Variants in AP4E1 observed in about 807,000 individuals in gnomAD.
AP4E1 encodes adaptor related protein complex 4 subunit epsilon 1.
A neutral mutation model predicts 128.2 loss-of-function variants in AP4E1; 56 were observed. The observed-to-expected ratio is 0.44, with a 90% confidence interval of 0.35 to 0.55. The LOEUF (loss-of-function observed/expected upper bound fraction) is 0.55. Ranked by LOEUF, AP4E1 falls within the 20% of genes least tolerant of loss-of-function variation. The probability of loss-of-function intolerance (pLI) is 0.00; values close to 1 mark genes in which losing one functional copy is unlikely to be tolerated. For missense variants in AP4E1, 1,324 were observed against 1,307.7 expected (o/e 1.01, Z -0.19); for synonymous variants, 484 against 473.1 (o/e 1.02, Z -0.30).
intron 3 of AP4E1, 200 bp downstream of exon 3, chr15:50,915,771 A>G (rs2063623183): frequency 1.6e-6 from 1 of 622,580 alleles, no homozygotes; most frequent in South Asian, 2.1e-5. Context: ...TTTTGGAGTT[A>G]AAGAGAAGAC....
At chr15:50,961,037 A>C (rs2064305758) in intron 14 of AP4E1, among the ~76,000 whole-genome samples, 2 of 152,100 alleles carry the variant, frequency 1.3e-5, no homozygotes, top group Non-Finnish European at 2.9e-5. Context: ...GAAACGAATA[A>C]ATTCCTGGAC....
intron 16 of AP4E1, among the ~76,000 whole-genome samples, chr15:50,991,179 G>A (rs2064802206): frequency 1.3e-5 from 2 of 152,188 alleles, no homozygotes; most frequent in Non-Finnish European, 2.9e-5. Flanking sequence ...CCCTGAAGGG[G>A]CTGAGAGATG....
chr15:50,914,337 A>T (rs1357458888), intron 2 of AP4E1, among the ~76,000 whole-genome samples: 1 of 151,978 alleles, frequency 6.6e-6, no homozygotes, highest in Non-Finnish European at 1.5e-5. Flanking sequence ...TGCTAACCCT[A>T]GTTAATTTTG....
chr15:50,984,473 A>C (rs2064688834), intron 16 of AP4E1, among the ~76,000 whole-genome samples: 2 of 95,900 alleles, frequency 2.1e-5, no homozygotes, highest in Admixed American at 1.4e-4. Flanking sequence ...CCACCCCACA[A>C]CAGGCCCTGG....
intron 14 of AP4E1, among the ~76,000 whole-genome samples, chr15:50,959,138 G>A (rs910576728): frequency 1.3e-5 from 2 of 151,776 alleles, no homozygotes; most frequent in African/African-American, 4.8e-5. Flanking sequence ...TTGAACCTGG[G>A]AGGCAGAGGT....
chr15:50,936,056 T>A (rs925079349), intron 8 of AP4E1, among the ~76,000 whole-genome samples: 1 of 152,166 alleles, frequency 6.6e-6, no homozygotes, highest in African/African-American at 2.4e-5. Flanking sequence ...CTTATGTATC[T>A]CTCCATGCTA....
At chr15:50,918,386 CTCTT>C (rs1469603851) in intron 3 of AP4E1, among the ~76,000 whole-genome samples, 4 of 152,282 alleles carry the variant, frequency 2.6e-5, no homozygotes, top group Middle Eastern at 3.4e-3. Flanking sequence ...CTTAGTCCTG[CTCTT>C]TCTTGTTACT....
chr15:50,956,065 A>G (rs1213634010), intron 13 of AP4E1, among the ~76,000 whole-genome samples: 1 of 152,154 alleles, frequency 6.6e-6, no homozygotes, highest in East Asian at 1.9e-4. Context: ...TCTGAGGTAA[A>G]TGAGACAACA....
chr15:50,947,723 CTATTG>C (rs1567228811), intron 10 of AP4E1, among the ~76,000 whole-genome samples: 1 of 152,168 alleles, frequency 6.6e-6, no homozygotes, highest in East Asian at 1.9e-4. Context: ...AAATATATAT[CTATTG>C]TATTTTAACT....
chr15:50,990,707 T>G (rs1381140491), intron 16 of AP4E1, among the ~76,000 whole-genome samples: 1 of 152,158 alleles, frequency 6.6e-6, no homozygotes. Flanking sequence ...TTAGATGGTC[T>G]GTATGTATGC....
At chr15:50,918,437 G>C (rs1045511885) in intron 3 of AP4E1, among the ~76,000 whole-genome samples, 1 of 152,100 alleles carries the variant, frequency 6.6e-6, no homozygotes, top group Admixed American at 6.6e-5. Flanking sequence ...AGGAAATTTT[G>C]AAAACAGTAG....
intron 10 of AP4E1, among the ~76,000 whole-genome samples, chr15:50,944,314 G>A (rs1217806924): frequency 6.6e-6 from 1 of 152,126 alleles, no homozygotes; most frequent in Non-Finnish European, 1.5e-5. Context: ...TCATATACAG[G>A]AGGAGAGAAG....
chr15:50,922,732 C>T (rs182911753), intron 3 of AP4E1, among the ~76,000 whole-genome samples: 2 of 151,768 alleles, frequency 1.3e-5, no homozygotes, highest in Non-Finnish European at 2.9e-5. Flanking sequence ...TGAGTCCTGG[C>T]TCCACCATGT....
At chr15:51,001,560 T>A (rs920695892) in intron 20 of AP4E1, among the ~76,000 whole-genome samples, 2 of 152,180 alleles carry the variant, frequency 1.3e-5, no homozygotes, top group Non-Finnish European at 2.9e-5. Context: ...TTACCTCTTG[T>A]CTCTATGAAC....
At chr15:50,928,054 CT>C (rs2063789079) in intron 5 of AP4E1, among the ~76,000 whole-genome samples, 3 of 152,140 alleles carry the variant, frequency 2.0e-5, no homozygotes, top group Admixed American at 2.0e-4. Context: ...ATGTTATCTG[CT>C]ACAGATGAAG....
At chr15:50,933,054 A>T (rs1478680021) in intron 7 of AP4E1, among the ~76,000 whole-genome samples, 3 of 152,122 alleles carry the variant, frequency 2.0e-5, no homozygotes, top group Non-Finnish European at 4.4e-5. Flanking sequence ...GAATTTATTA[A>T]ATTCATTAAC....
intron 15 of AP4E1, among the ~76,000 whole-genome samples, chr15:50,978,291 A>G (rs959922503): frequency 6.6e-6 from 1 of 152,192 alleles, no homozygotes; most frequent in Non-Finnish European, 1.5e-5. Context: ...AGAAATAATA[A>G]GGGGAAACAG....
intron 5 of AP4E1, among the ~76,000 whole-genome samples, chr15:50,927,860 C>T (rs541971462): frequency 6.6e-6 from 1 of 152,218 alleles, no homozygotes; most frequent in South Asian, 2.1e-4. Flanking sequence ...GTTAAGGAAC[C>T]CTAAAAGTAA....
intron 1 of AP4E1, among the ~76,000 whole-genome samples, chr15:50,911,813 A>G (rs887844551): frequency 6.6e-6 from 1 of 152,152 alleles, no homozygotes; most frequent in Non-Finnish European, 1.5e-5. Flanking sequence ...ATTTTCTGCT[A>G]TTCTACCATT....
Sources: allele counts gnomAD v4.1 joint callset (sites outside exome capture counted in the v4.1 genomes callset), GRCh38; gene constraint gnomAD v4.1.1; transcripts MANE v1.5; gene names NCBI Gene and HGNC (gene_info 2026-07-23, HGNC 2026-07-21).